GPHN: variants seen among roughly 807,000 people sequenced by gnomAD.
The protein encoded by GPHN is gephyrin.
A neutral mutation model predicts 95.5 loss-of-function variants in GPHN; 17 were observed. The observed-to-expected ratio is 0.18, with a 90% CI of 0.12 to 0.27. The LOEUF is 0.27. Among genes scored for constraint, GPHN ranks in the 10% least tolerant of loss-of-function variants. The pLI is 1.00. For missense variants in GPHN, 660 were observed against 978.1 expected, an observed-to-expected ratio of 0.67 and a Z score of 4.34; for synonymous variants, 320 against 322.5, an observed-to-expected ratio of 0.99 and a Z score of 0.08.
At chr14:66,850,341 A>C (rs1596139768) in intron 4 of GPHN, among the ~76,000 whole-genome samples, 1 of 152,270 alleles carries the variant, frequency 6.6e-6, no homozygotes, top group East Asian at 1.9e-4. Flanking sequence ...ATTAATATGA[A>C]TTATATTTGA....
intron 6 of GPHN, among the ~76,000 whole-genome samples, chr14:66,919,050 C>T (rs565121152): frequency 2.4e-4 from 37 of 152,142 alleles, no homozygotes; most frequent in Admixed American, 1.6e-3. Flanking sequence ...TTTGGTAATA[C>T]GTTATAGATA....
At chr14:67,694,477 TAC>T in the GPHN span, among the ~76,000 whole-genome samples, 395 of 142,916 alleles carry the variant, frequency 2.8e-3, 4 homozygotes, top group African/African-American at 9.7e-3. Flanking sequence ...TATATATATA[TAC>T]ACACACACAC....
intron 21 of GPHN, among the ~76,000 whole-genome samples, chr14:67,171,021 A>C (rs997479287): frequency 6.6e-6 from 1 of 151,936 alleles, no homozygotes; most frequent in Non-Finnish European, 1.5e-5. Flanking sequence ...ATACTGTTGG[A>C]CTCTGATGTG....
chr14:66,545,689 A>G (rs1594901516), intron 1 of GPHN, among the ~76,000 whole-genome samples: 6 of 114,406 alleles, frequency 5.2e-5, no homozygotes, highest in Admixed American at 1.7e-4. Flanking sequence ...GCGGCCGGGC[A>G]GAGGCGCCCC....
At chr14:66,828,121 T>C (rs1236553620) in intron 4 of GPHN, among the ~76,000 whole-genome samples, 1 of 152,036 alleles carries the variant, frequency 6.6e-6, no homozygotes, top group Admixed American at 6.6e-5. Context: ...TGATCTTTAA[T>C]AGGTTCACTT....
At chr14:67,521,834 G>T in the GPHN span, among the ~76,000 whole-genome samples, 2 of 152,218 alleles carry the variant, frequency 1.3e-5, no homozygotes, top group East Asian at 3.8e-4. Flanking sequence ...TTTTAAGTAT[G>T]GGTTTAACTG....
chr14:66,589,826 C>A (rs559614938), intron 1 of GPHN, among the ~76,000 whole-genome samples: 3 of 152,048 alleles, frequency 2.0e-5, no homozygotes, highest in African/African-American at 7.2e-5. Flanking sequence ...CTGGACCAAG[C>A]GGACCTAATA....
intron 3 of GPHN, among the ~76,000 whole-genome samples, chr14:66,813,395 A>AGAAGCTGGGCTAAAGGAAGAG (rs2153484386): frequency 6.6e-6 from 1 of 152,332 alleles, no homozygotes; most frequent in South Asian, 2.1e-4. Context: ...GAGAAGACAT[A>AGAAGCTGGGCTAAAGGAAGAG]GAAGCTGGGC....
the GPHN span, among the ~76,000 whole-genome samples, chr14:67,354,125 G>A: frequency 6.6e-6 from 1 of 152,070 alleles, no homozygotes; most frequent in Non-Finnish European, 1.5e-5. Flanking sequence ...CTCAAGTATT[G>A]TTATAGCAGC....
the GPHN span, among the ~76,000 whole-genome samples, chr14:67,489,712 C>T: frequency 1.2e-4 from 18 of 152,274 alleles, no homozygotes; most frequent in South Asian, 6.2e-4. Flanking sequence ...TCTATGTAGC[C>T]GGGCGCGGTG....
chr14:67,075,726 C>G (rs2076470069), intron 11 of GPHN, among the ~76,000 whole-genome samples: 2 of 152,144 alleles, frequency 1.3e-5, no homozygotes, highest in South Asian at 4.1e-4. Flanking sequence ...GAAGAAGTAA[C>G]TACGATGTCG....
At chr14:67,633,406 G>A in the GPHN span, among the ~76,000 whole-genome samples, 4 of 152,084 alleles carry the variant, frequency 2.6e-5, no homozygotes, top group East Asian at 1.9e-4. Context: ...ACATTTCAGC[G>A]ATACTGTCAG....
intron 5 of GPHN, among the ~76,000 whole-genome samples, chr14:66,914,066 T>G (rs2065798589): frequency 6.6e-6 from 1 of 151,874 alleles, no homozygotes; most frequent in Non-Finnish European, 1.5e-5. Flanking sequence ...AAAAAAAAAT[T>G]GATGGGAAAT....
intron 5 of GPHN, among the ~76,000 whole-genome samples, chr14:66,896,802 C>CA (rs1448666762): frequency 1.3e-5 from 2 of 151,048 alleles, no homozygotes; most frequent in African/African-American, 4.9e-5. Flanking sequence ...AAAAAACAAA[C>CA]AAACAAAACA....
intron 4 of GPHN, among the ~76,000 whole-genome samples, chr14:66,852,856 T>C (rs1412691537): frequency 6.6e-6 from 1 of 152,234 alleles, no homozygotes; most frequent in Non-Finnish European, 1.5e-5. Context: ...AAAGCAAATA[T>C]GTGATACTTT....
At chr14:67,041,807 T>C (rs894919256) in intron 10 of GPHN, among the ~76,000 whole-genome samples, 16 of 152,222 alleles carry the variant, frequency 1.1e-4, no homozygotes, top group Admixed American at 6.5e-5. Context: ...TCTTCCACAA[T>C]GGTTGAACTA....
At chr14:67,286,336 G>A in the GPHN span, among the ~76,000 whole-genome samples, 320 of 152,200 alleles carry the variant, frequency 2.1e-3, 2 homozygotes, top group Non-Finnish European at 4.0e-3. Flanking sequence ...TGGGATTGGG[G>A]AAGGGAATTT....
chr14:66,652,390 A>G (rs1015738281), intron 1 of GPHN, among the ~76,000 whole-genome samples: 4 of 152,034 alleles, frequency 2.6e-5, no homozygotes, highest in Admixed American at 2.6e-4. Flanking sequence ...TATATTTTGT[A>G]TATATTTGAT....
At chr14:67,641,669 G>A in the GPHN span, among the ~76,000 whole-genome samples, 1 of 152,198 alleles carries the variant, frequency 6.6e-6, no homozygotes, top group Non-Finnish European at 1.5e-5. Flanking sequence ...GGCCAGGCAG[G>A]TGGCTCATGC....
Sources: allele counts gnomAD v4.1 joint callset (sites outside exome capture counted in the v4.1 genomes callset), GRCh38; gene constraint gnomAD v4.1.1; transcripts MANE v1.5; gene names NCBI Gene and HGNC (gene_info 2026-07-23, HGNC 2026-07-21).